Variants in MAP2K5 observed in about 807,000 individuals in gnomAD.
The protein encoded by MAP2K5 is dual specificity mitogen-activated protein kinase kinase 5.
MAP2K5 carries 49 observed loss-of-function variants against 83.1 expected under a neutral mutation model. The ratio of observed to expected loss-of-function variants is 0.59; its 90% CI spans 0.47 to 0.75. The LOEUF (loss-of-function observed/expected upper bound fraction) is 0.75. MAP2K5 is among the 30% of genes least tolerant of loss of function. The pLI, the probability that MAP2K5 is intolerant of heterozygous loss-of-function variation, is 0.00. For synonymous variants in MAP2K5, 202 were observed against 191.8 expected (o/e 1.05, Z -0.44); for missense variants, 457 against 557.5 (o/e 0.82, Z 1.82).
intron 17 of MAP2K5, among the ~76,000 whole-genome samples, chr15:67,741,918 G>T (rs1360462649): frequency 2.0e-5 from 3 of 150,624 alleles, no homozygotes; most frequent in Admixed American, 2.0e-4. Flanking sequence ...TTTTTGAGAG[G>T]GAGTCTTGCT....
chr15:67,806,180 T>C (rs1378095415), intron 21 of MAP2K5, among the ~76,000 whole-genome samples: 1 of 152,226 alleles, frequency 6.6e-6, no homozygotes, highest in African/African-American at 2.4e-5. Context: ...ATAGGAGAGC[T>C]GTAGACAAAG....
intron 17 of MAP2K5, among the ~76,000 whole-genome samples, chr15:67,731,955 C>T (rs1157508345): frequency 6.6e-6 from 1 of 152,144 alleles, no homozygotes; most frequent in Non-Finnish European, 1.5e-5. Context: ...TCCCCAGATC[C>T]CACTTGCTTT....
At position 67,708,338 on chromosome 15, in the gene MAP2K5, CAGAT is replaced by C. The variant is rs1309633889; in HGVS notation, c.1044+4934_1044+4937del. On this transcript the variant is annotated intron_variant, in intron 16 of 21. Coordinates refer to ENST00000178640, the MANE Select transcript of MAP2K5 (RefSeq NM_145160.3). This position sits in a 1 kb window ranked among gnomAD's most constrained non-coding sequence, Gnocchi z 4.9. ...ATGCTGTCTTAAAAAAAAAAAAAATCAGATAGAGACAAAATGGGCATGAGAGTTT... is the reference window on the plus strand; with the variant it reads ...ATGCTGTCTTAAAAAAAAAAAAAATCAGAGACAAAATGGGCATGAGAGTTT... Among the ~76,000 whole-genome samples the C allele has an allele frequency of 1.3e-5, 2 of 151,492 alleles. No homozygotes were observed. Among genetic ancestry groups the C allele is most frequent in the Non-Finnish European group, 2.9e-5 (2 of 67,906 alleles).
At chr15:67,608,514 CTG>C (rs1467284106) in intron 8 of MAP2K5, among the ~76,000 whole-genome samples, 1 of 152,162 alleles carries the variant, frequency 6.6e-6, no homozygotes, top group East Asian at 1.9e-4. Flanking sequence ...GGCCACCTGT[CTG>C]TGTGTATGGT....
chr15:67,618,113 G>T (rs2086096261), intron 8 of MAP2K5, among the ~76,000 whole-genome samples: 1 of 152,200 alleles, frequency 6.6e-6, no homozygotes, highest in Non-Finnish European at 1.5e-5. Flanking sequence ...AACCTTTTAT[G>T]TATTGTACTA....
intron 13 of MAP2K5, 56 bp downstream of exon 13, chr15:67,664,701 A>C: frequency 8.9e-7 from 1 of 1,126,348 alleles, no homozygotes; most frequent in Non-Finnish European, 1.3e-6. Flanking sequence ...GGGTCTCTCC[A>C]GATACCTTGA....
At chr15:67,741,027 C>CAAA (rs34516294) in intron 17 of MAP2K5, among the ~76,000 whole-genome samples, 2 of 63,116 alleles carry the variant, frequency 3.2e-5, no homozygotes, top group African/African-American at 5.5e-5. Flanking sequence ...GACTCCGTCT[C>CAAA]AAAAAAAAAA....
At chr15:67,707,172 C>T (rs1177563296) in intron 16 of MAP2K5, among the ~76,000 whole-genome samples, 1 of 152,178 alleles carries the variant, frequency 6.6e-6, no homozygotes, top group African/African-American at 2.4e-5. Context: ...GTCTTGGCCT[C>T]CCAAAGTGCT....
At chr15:67,694,483 A>C (rs1461952565) in intron 15 of MAP2K5, among the ~76,000 whole-genome samples, 1 of 152,172 alleles carries the variant, frequency 6.6e-6, no homozygotes. Flanking sequence ...TTAAAGATTT[A>C]GGGATGGAAA....
intron 9 of MAP2K5, among the ~76,000 whole-genome samples, chr15:67,631,215 G>A (rs964180512): frequency 6.6e-6 from 1 of 152,150 alleles, no homozygotes; most frequent in African/African-American, 2.4e-5. Context: ...TTGTCATGCA[G>A]CTCAAAACCT....
In MAP2K5 at chr15:67,757,296, T is replaced by C. The variant is rs994463812; in HGVS notation, c.1134+8695T>C. Among the ~76,000 whole-genome samples, 2 of 152,230 alleles carry C rather than the reference T, an allele frequency of 1.3e-5. No individual in the cohort carries two copies. The highest frequency in any genetic ancestry group is 4.8e-5 in the African/African-American group (2 of 41,462). On this transcript the variant is annotated intron_variant, in intron 19 of 21. Transcript: ENST00000178640. This position sits in a 1 kb window ranked among gnomAD's most constrained non-coding sequence, Gnocchi z 4.9. ...TTTTTATTTGCATAAAAATAGTATT[T>C]CTAGAAGACATTTGCAAATCAGATT... is the stretch of plus-strand genomic sequence containing the variant.
At chr15:67,745,592 G>A (rs1462669178) in intron 17 of MAP2K5, among the ~76,000 whole-genome samples, 1 of 152,206 alleles carries the variant, frequency 6.6e-6, no homozygotes, top group African/African-American at 2.4e-5. Context: ...GTACATGGCA[G>A]TTCAGAATTT....
rs2090194654 is a variant in MAP2K5, at chr15:67,774,166, TA to T, written c.1242+1415del. Among the ~76,000 whole-genome samples the T allele has an allele frequency of 2.5e-5, 1 of 40,714 alleles. No homozygotes were observed. Among genetic ancestry groups the T allele is most frequent in the Non-Finnish European group, 5.6e-5 (1 of 17,972 alleles). The allele number at this position is 40,714 out of a possible 152,430, so 26.7% of individuals were successfully genotyped here. ...GCCTTGAAAGCAAGTGATGTGTGTG[TA>T]TGTGTGTGTGTGTGTGTGTGTGTGT... On this transcript the variant is annotated intron_variant, in intron 21 of 21. Coordinates refer to ENST00000178640, the MANE Select transcript of MAP2K5 (RefSeq NM_145160.3). This position sits in a 1 kb window ranked among gnomAD's most constrained non-coding sequence, Gnocchi z 4.9.
intron 6 of MAP2K5, among the ~76,000 whole-genome samples, chr15:67,592,665 A>G (rs2085439271): frequency 6.6e-6 from 1 of 152,240 alleles, no homozygotes; most frequent in Non-Finnish European, 1.5e-5. Flanking sequence ...ATGTCACTGA[A>G]GTAGTTCATA....
In MAP2K5 at chr15:67,555,583, T is replaced by C. The variant is rs1732546811; in HGVS notation, c.184+5501T>C. On this transcript the variant is annotated intron_variant, in intron 2 of 21. Transcript: ENST00000178640. The surrounding 1 kb of genome is among the most constrained non-coding windows in gnomAD (Gnocchi z 5.2). Reference sequence around the variant, plus strand: ...ATTACTGTGTTTGCTCACCAAAAGGTAGAACCAATCTACACTCACACCAAC... The same window carrying C: ...ATTACTGTGTTTGCTCACCAAAAGGCAGAACCAATCTACACTCACACCAAC... Among the ~76,000 whole-genome samples, 3 of 151,486 alleles carry C rather than the reference T, an allele frequency of 2.0e-5. No homozygotes were observed. The highest frequency in any genetic ancestry group is 7.3e-5 in the African/African-American group (3 of 41,182).
rs2086388702 is a variant in MAP2K5, at chr15:67,628,822, T to C, written c.546-2066T>C. On this transcript the variant is annotated intron_variant, in intron 8 of 21. Transcript: ENST00000178640. ...TTAGTGGGAATGACAATTTTGGTCA[T>C]GGACGAAACTTCAGTGGTCATGGTG... 9 of 750,072 alleles carry C rather than the reference T, an allele frequency of 1.2e-5. No homozygotes were observed. The Admixed American group carries it at 1.5e-4, about 13-fold the overall frequency. 46.5% of individuals were successfully genotyped at this position (750,072 alleles called of 1,614,324 possible).
intron 17 of MAP2K5, among the ~76,000 whole-genome samples, chr15:67,730,223 C>T (rs2141250362): frequency 6.6e-6 from 1 of 152,270 alleles, no homozygotes; most frequent in East Asian, 1.9e-4. Flanking sequence ...CTACCCCTCC[C>T]TTATGCCCTC....
intron 11 of MAP2K5, among the ~76,000 whole-genome samples, chr15:67,654,725 C>G (rs753855701): frequency 1.3e-5 from 2 of 152,038 alleles, no homozygotes; most frequent in African/African-American, 4.8e-5. Context: ...AACTTCTTAA[C>G]TTATAACAAT....
chr15:67,777,943 C>T lies in MAP2K5; in HGVS notation c.1242+5191C>T, dbSNP rs1270112694. Among the ~76,000 whole-genome samples the T allele has an allele frequency of 6.6e-6, 1 of 152,198 alleles. No individual in the cohort carries two copies. Among genetic ancestry groups the T allele is most frequent in the African/African-American group, 2.4e-5 (1 of 41,446 alleles). On this transcript the variant is annotated intron_variant, in intron 21 of 21. Transcript: ENST00000178640. This position sits in a 1 kb window ranked among gnomAD's most constrained non-coding sequence, Gnocchi z 6.0. Reference sequence around the variant, plus strand: ...TGCTTAGACAGCAAGTAAATAGTGGCATTAGAAATACAACAAGTTGGCATG... The same window carrying T: ...TGCTTAGACAGCAAGTAAATAGTGGTATTAGAAATACAACAAGTTGGCATG...
Sources: allele counts gnomAD v4.1 joint callset (sites outside exome capture counted in the v4.1 genomes callset), GRCh38; gene constraint gnomAD v4.1.1; non-coding constraint Gnocchi (gnomAD v3.1); transcripts MANE v1.5; gene names NCBI Gene and HGNC (gene_info 2026-07-23, HGNC 2026-07-21).